Variants in THRB observed in about 807,000 individuals in gnomAD.
THRB encodes nuclear receptor subfamily 1 group A member 2.
In THRB, 12 loss-of-function variants were observed where a neutral mutation model predicts 47.8. That is an observed-to-expected ratio of 0.25 (90% CI 0.16 to 0.41). The LOEUF (loss-of-function observed/expected upper bound fraction) is 0.41, where lower values mean the gene tolerates loss of function less well. THRB is among the 10% of genes least tolerant of loss of function. The pLI is 1.00. For missense variants in THRB, 348 were observed against 589.2 expected (o/e 0.59, Z 4.24); for synonymous variants, 218 against 212.2 (o/e 1.03, Z -0.24).
At chr3:24,331,987 C>A (rs2061958479) in intron 2 of THRB, among the ~76,000 whole-genome samples, 1 of 152,154 alleles carries the variant, frequency 6.6e-6, no homozygotes, top group Admixed American at 6.5e-5. Context: ...TAATTGTGAC[C>A]AAGTCTGCTA....
chr3:24,201,475 C>T (rs979054212), intron 4 of THRB, among the ~76,000 whole-genome samples: 1 of 152,194 alleles, frequency 6.6e-6, no homozygotes, highest in African/African-American at 2.4e-5. Flanking sequence ...GAATCACAAT[C>T]TGCATTTTAA....
chr3:24,221,765 A>T (rs1277074634), intron 4 of THRB, among the ~76,000 whole-genome samples: 5 of 152,152 alleles, frequency 3.3e-5, no homozygotes, highest in Non-Finnish European at 7.3e-5. Context: ...TTGTTCTAGA[A>T]GTAATTGTCT....
rs539541946 is a variant in THRB, at chr3:24,347,167, A to G, written c.-260-9796T>C. On this transcript the variant is annotated intron_variant, in intron 1 of 10. Transcript: ENST00000646209. ...ACCCATGGGTCAAAGATTAAGCACAATGGAAATTAGACAATATTATTAACT... is the reference window on the plus strand; with the variant it reads ...ACCCATGGGTCAAAGATTAAGCACAGTGGAAATTAGACAATATTATTAACT... 3.0e-4 allele frequency among the ~76,000 whole-genome samples: 45 copies of G among 152,178 alleles called. No individual in the cohort carries two copies. In the South Asian group the frequency reaches 7.2e-3, roughly 25 times the overall value.
chr3:24,211,189 C>G (rs2045984607), intron 4 of THRB, among the ~76,000 whole-genome samples: 1 of 134,532 alleles, frequency 7.4e-6, no homozygotes, highest in African/African-American at 3.2e-5. Flanking sequence ...AACAGCAAGA[C>G]TCCATCTCAA....
chr3:24,439,698 A>C (rs1407882110), intron 1 of THRB, among the ~76,000 whole-genome samples: 1 of 152,228 alleles, frequency 6.6e-6, no homozygotes, highest in Admixed American at 6.5e-5. Context: ...CATGTTGGTA[A>C]CTTTAATAAA....
chr3:24,320,398 C>T (rs1482147334), intron 2 of THRB, among the ~76,000 whole-genome samples: 2 of 152,140 alleles, frequency 1.3e-5, no homozygotes, highest in African/African-American at 4.8e-5. Context: ...CAGTGTTTCT[C>T]AACAAGGACA....
At chr3:24,312,315 C>T (rs777925727) in intron 2 of THRB, among the ~76,000 whole-genome samples, 5 of 152,200 alleles carry the variant, frequency 3.3e-5, no homozygotes, top group Non-Finnish European at 7.3e-5. Flanking sequence ...AAGTAAAGTC[C>T]TCATGTCTAT....
intron 3 of THRB, among the ~76,000 whole-genome samples, chr3:24,262,024 C>T (rs1254269853): frequency 1.3e-5 from 2 of 152,122 alleles, no homozygotes; most frequent in East Asian, 1.9e-4. Context: ...GGTTACATTT[C>T]CCAAATATGT....
rs528356455 is a variant in THRB at position 24,117,234 on chromosome 3, C to T, written c.*5650G>A. On this transcript the variant is annotated 3_prime_UTR_variant, in exon 11 of 11. Transcript: ENST00000646209. ...GAGCTTCCTCTGTGTGAAGGAGAAC[C>T]GCTTGCTGTACTGAAATGGGATGTT... 1.3e-5 allele frequency: 2 copies of T among 152,130 alleles called. No individual in the cohort carries two copies. Among genetic ancestry groups the T allele is most frequent in the South Asian group, 4.1e-4 (2 of 4,820 alleles). 9.4% of individuals were successfully genotyped at this position (152,130 alleles called of 1,614,324 possible). A position where few individuals can be genotyped will look rare whatever the true frequency, so the allele number is the denominator to read the frequency against.
At chr3:24,275,515 CA>C (rs1288507939) in intron 3 of THRB, among the ~76,000 whole-genome samples, 6 of 152,098 alleles carry the variant, frequency 3.9e-5, no homozygotes, top group East Asian at 1.9e-4. Flanking sequence ...GGGAAGAGGT[CA>C]GGGGGAAAAA....
At chr3:24,209,667 G>T (rs2045803529) in intron 4 of THRB, among the ~76,000 whole-genome samples, 1 of 152,124 alleles carries the variant, frequency 6.6e-6, no homozygotes, top group Admixed American at 6.5e-5. Flanking sequence ...ACACACCAGG[G>T]CCTGTCATAG....
At position 24,327,113 on chromosome 3, in the gene THRB, T is replaced by C. The variant is rs370755649; in HGVS notation, c.-189+10187A>G. On this transcript the variant is annotated intron_variant, in intron 2 of 10. Transcript: ENST00000646209. ...CTTCTTATATGGTTGCCATTGAGAG[T>C]GTTCATAAAATAAGTCAGCATAACA... is the stretch of plus-strand genomic sequence containing the variant. Among the ~76,000 whole-genome samples the C allele has an allele frequency of 2.0e-4, 30 of 152,210 alleles. No individual in the cohort carries two copies. In the East Asian group the frequency reaches 3.1e-3, roughly 16 times the overall value.
intron 1 of THRB, among the ~76,000 whole-genome samples, chr3:24,381,224 T>C (rs928076869): frequency 6.6e-5 from 10 of 152,106 alleles, no homozygotes; most frequent in African/African-American, 2.4e-4. Context: ...AGATACACTC[T>C]GGTAAAACCA....
chr3:24,217,916 T>C (rs1213829938), intron 4 of THRB, among the ~76,000 whole-genome samples: 2 of 152,194 alleles, frequency 1.3e-5, no homozygotes, highest in Non-Finnish European at 2.9e-5. Context: ...ACTATCTACT[T>C]CCTTTTGCCC....
chr3:24,464,164 T>G (rs1345378154), intron 1 of THRB, among the ~76,000 whole-genome samples: 1 of 149,420 alleles, frequency 6.7e-6, no homozygotes, highest in Non-Finnish European at 1.5e-5. Context: ...GAGAATGGCG[T>G]GAACCCGGGA....
chr3:24,450,089 T>TG (rs2072496765), intron 1 of THRB, among the ~76,000 whole-genome samples: 2 of 152,064 alleles, frequency 1.3e-5, no homozygotes, highest in African/African-American at 4.8e-5. Context: ...AACTAGACAC[T>TG]CTTAAAGAAA....
chr3:24,317,988 A>G (rs1204784980), intron 2 of THRB, among the ~76,000 whole-genome samples: 17 of 152,130 alleles, frequency 1.1e-4, no homozygotes, highest in Non-Finnish European at 2.4e-4. Context: ...ACCCTCAGGA[A>G]GTCGGGTCTG....
At chr3:24,230,611 G>A (rs1002492124) in intron 3 of THRB, among the ~76,000 whole-genome samples, 1 of 152,134 alleles carries the variant, frequency 6.6e-6, no homozygotes, top group Non-Finnish European at 1.5e-5. Context: ...AGCACAGGTC[G>A]TACCTACAGT....
chr3:24,133,566 A>G (rs1359343791), intron 8 of THRB, 104 bp from the exon 9 acceptor site: 3 of 1,043,900 alleles, frequency 2.9e-6, no homozygotes, highest in Non-Finnish European at 2.9e-6. Context: ...GATATCCTGT[A>G]CAGTTTCCAG....
Sources: gnomAD v4.1 joint callset for allele counts (sites outside exome capture counted in the v4.1 genomes callset) on GRCh38, gnomAD v4.1.1 for gene constraint, MANE v1.5 for transcripts, NCBI Gene and HGNC (gene_info 2026-07-23, HGNC 2026-07-21) for gene names.